Variants in EPN1 observed in about 807,000 individuals in gnomAD.
EPN1 encodes the protein epsin-1.
A neutral mutation model predicts 56.9 loss-of-function variants in EPN1; 25 were observed. That is an observed-to-expected ratio of 0.44 (90% CI 0.32 to 0.61). The LOEUF (loss-of-function observed/expected upper bound fraction) is 0.61, where lower values mean the gene tolerates loss of function less well. Ranked by LOEUF, EPN1 falls within the 20% of genes least tolerant of loss-of-function variation. The probability of loss-of-function intolerance (pLI) is 0.05; values close to 1 mark genes in which losing one functional copy is unlikely to be tolerated. For synonymous variants in EPN1, 411 were observed against 361.8 expected (o/e 1.14, Z -1.54); for missense variants, 785 against 823.7 (o/e 0.95, Z 0.58).
rs771574556 is a variant in EPN1 at position 55,692,065 on chromosome 19, C to G, written c.1066+8C>G. 3 of 1,429,122 alleles carry G rather than the reference C, an allele frequency of 2.1e-6. No homozygotes were observed. Among genetic ancestry groups the G allele is most frequent in the African/African-American group, 2.9e-5 (2 of 68,870 alleles). 88.5% of individuals were successfully genotyped at this position (1,429,122 alleles called of 1,614,324 possible). A position where few individuals can be genotyped will look rare whatever the true frequency, so the allele number is the denominator to read the frequency against. ...CATGGGGAAGTTCCGATGGTGAGTG[C>G]GTGGCCCACTTGCATGCAGCCCCTA... On this transcript the variant is annotated splice_region_variant and intron_variant, in intron 7 of 10. Transcript: ENST00000270460.
Position 55,706,689 on chromosome 19 carries a change from T to TA in EPN1, c.*11339dup, listed in dbSNP as rs1298189948. The TA allele has an allele frequency of 2.9e-5, 4 of 137,526 alleles. No individual in the cohort carries two copies. Among genetic ancestry groups the TA allele is most frequent in the African/African-American group, 1.1e-4 (4 of 34,824 alleles). The allele number at this position is 137,526 out of a possible 1,614,324, so 8.5% of individuals were successfully genotyped here. A position where few individuals can be genotyped will look rare whatever the true frequency, so the allele number is the denominator to read the frequency against. On this transcript the variant is annotated 3_prime_UTR_variant, in exon 11 of 11. Coordinates refer to ENST00000270460, the MANE Select transcript of EPN1 (RefSeq NM_001130072.2). ...AAGAGGGGAAGGGAAGGGAGAGATT[T>TA]AAAAAACAATAGTAAAGAGAGATTT...
Position 55,678,632 on chromosome 19 carries a change from C to A in EPN1, c.5C>A (p.Ser2Ter). 1 of 1,609,136 alleles carries A rather than the reference C, an allele frequency of 6.2e-7. No individual in the cohort carries two copies. M[S>*]TSSLRRQMKN... ...TTGCTGCTGCAGCCGGGCACCATGTCGACCTCGTCCTTGAGGCGCCAGATG... is the reference window on the plus strand; with the variant it reads ...TTGCTGCTGCAGCCGGGCACCATGTAGACCTCGTCCTTGAGGCGCCAGATG... The change falls in exon 2 of 11, where the codon TCG (serine) becomes TAG (stop). Residue 2 changes from serine to a stop codon, truncating the protein, a stop_gained. Coordinates refer to ENST00000270460, the MANE Select transcript of EPN1 (RefSeq NM_001130072.2). LOFTEE classifies it high-confidence loss of function.
chr19:55,706,685 GATTTAAAAAACAATA>G lies in EPN1; in HGVS notation c.*11330_*11344del, dbSNP rs1568588000. On this transcript the variant is annotated 3_prime_UTR_variant, in exon 11 of 11. Transcript: ENST00000270460. ...AGAAAAGAGGGGAAGGGAAGGGAGA[GATTTAAAAAACAATA>G]GTAAAGAGAGATTTAAAAAACAATA... is the stretch of plus-strand genomic sequence containing the variant. 4.0e-5 allele frequency: 6 copies of G among 149,884 alleles called. No homozygotes were observed. The highest frequency in any genetic ancestry group is 2.1e-4 in the South Asian group (1 of 4,736). The allele number at this position is 149,884 out of a possible 1,614,324, so 9.3% of individuals were successfully genotyped here.
At chr19:55,684,932 T>G (rs1057129269) in intron 2 of EPN1, among the ~76,000 whole-genome samples, 11 of 152,230 alleles carry the variant, frequency 7.2e-5, no homozygotes, top group African/African-American at 2.7e-4. Flanking sequence ...CCCCTTCATA[T>G]CGCACAGTTC....
chr19:55,692,880 C>A (rs939448594), intron 8 of EPN1, 71 bp from the exon 9 acceptor site: 5 of 1,593,724 alleles, frequency 3.1e-6, no homozygotes, highest in African/African-American at 1.3e-5. Context: ...GAGGGGTGGA[C>A]GCCTGGACTG....
chr19:55,690,363 T>C (rs1188026998), intron 6 of EPN1, among the ~76,000 whole-genome samples: 1 of 152,230 alleles, frequency 6.6e-6, no homozygotes, highest in Admixed American at 6.5e-5. Flanking sequence ...CAGGGCCTGT[T>C]GGTGAGCGAG....
rs1252411369 is a variant in EPN1, at chr19:55,708,728, CAA to C, written c.*13374_*13375del. 3 of 462,078 alleles carry C rather than the reference CAA, an allele frequency of 6.5e-6. No individual in the cohort carries two copies. The highest frequency in any genetic ancestry group is 3.2e-5 in the East Asian group (1 of 30,920). 28.6% of individuals were successfully genotyped at this position (462,078 alleles called of 1,614,324 possible). A position where few individuals can be genotyped will look rare whatever the true frequency, so the allele number is the denominator to read the frequency against. On this transcript the variant is annotated 3_prime_UTR_variant, in exon 11 of 11. Transcript: ENST00000270460. ...AAGACAAGGGGATATAGGACCGAGG[CAA>C]AGACAATCAGCATGTACACTGAATC...
chr19:55,686,435 A>G (rs1986173186), intron 3 of EPN1, among the ~76,000 whole-genome samples: 1 of 151,760 alleles, frequency 6.6e-6, no homozygotes, highest in Admixed American at 6.6e-5. Flanking sequence ...TGGGATGGGG[A>G]GGGGCTGCTA....
chr19:55,692,803 G>A lies in EPN1; in HGVS notation c.1177+7G>A. 2 of 1,594,986 alleles carry A rather than the reference G, an allele frequency of 1.3e-6. No individual in the cohort carries two copies. Among genetic ancestry groups the A allele is most frequent in the Non-Finnish European group, 1.7e-6 (2 of 1,169,018 alleles). ...AGCACCAATGGCACAACAGGTACTG[G>A]AATGGGGGTGGGAATGGAGCCCCGG... On this transcript the variant is annotated splice_region_variant and intron_variant, in intron 8 of 10. Transcript: ENST00000270460.
intron 2 of EPN1, among the ~76,000 whole-genome samples, chr19:55,682,962 G>A (rs1013684230): frequency 2.0e-5 from 3 of 151,824 alleles, no homozygotes; most frequent in South Asian, 2.1e-4. Context: ...TCACCATATT[G>A]GCCAGGCTGG....
rs955956688 is a variant in EPN1, at chr19:55,689,487, G to A, written c.678+116G>A. 16 of 774,560 alleles carry A rather than the reference G, an allele frequency of 2.1e-5. No individual in the cohort carries two copies. The highest frequency in any genetic ancestry group is 6.9e-5 in the African/African-American group (4 of 57,878). 48.0% of individuals were successfully genotyped at this position (774,560 alleles called of 1,614,324 possible). On this transcript the variant is annotated intron_variant, in intron 5 of 10. Coordinates refer to ENST00000270460, the MANE Select transcript of EPN1 (RefSeq NM_001130072.2). The surrounding 1 kb of genome is among the most constrained non-coding windows in gnomAD (Gnocchi z 5.7). ...CTGGGCCCGAAGCCCACAGGCTCAC[G>A]CGTGTTGAAACCTCAGTACCTTCAG...
rs764722825 is a variant in EPN1 at position 55,692,944 on chromosome 19, C to T, written c.1178-7C>T. On this transcript the variant is annotated splice_region_variant and splice_polypyrimidine_tract_variant and intron_variant, in intron 8 of 10. Transcript: ENST00000270460. Reference sequence around the variant, plus strand: ...GAGGGGCTGAGCAGAACATCCTGACCCCACAGCAGCCGGGGGATTCGACAC... The same window carrying T: ...GAGGGGCTGAGCAGAACATCCTGACTCCACAGCAGCCGGGGGATTCGACAC... 1 of 1,613,206 alleles carries T rather than the reference C, an allele frequency of 6.2e-7. No homozygotes were observed. Among genetic ancestry groups the T allele is most frequent in the Non-Finnish European group, 8.5e-7 (1 of 1,179,696 alleles).
In EPN1 at chr19:55,691,840, T is replaced by G. The variant is rs1306848444; in HGVS notation, c.849T>G (p.Ala283=). 2.5e-6 allele frequency: 4 copies of G among 1,607,236 alleles called. No homozygotes were observed. In the South Asian group the frequency reaches 4.4e-5, roughly 18 times the overall value. The change falls in exon 7 of 11, where the codon GCT becomes GCG. Residue 283 remains alanine, a synonymous_variant. Coordinates refer to ENST00000270460, the MANE Select transcript of EPN1 (RefSeq NM_001130072.2). The surrounding 1 kb of genome is among the most constrained non-coding windows in gnomAD (Gnocchi z 5.6). ...TDPWGGPAPM[A]AAVPTAAPTS... ...CCTGGGGGGGCCCAGCACCCATGGC[T>G]GCTGCCGTCCCCACGGCTGCCCCCA...
At chr19:55,685,186 G>A (rs994564075) in intron 2 of EPN1, among the ~76,000 whole-genome samples, 7 of 152,262 alleles carry the variant, frequency 4.6e-5, no homozygotes, top group African/African-American at 1.7e-4. Flanking sequence ...CAGTACCTCC[G>A]CGGCTGGTCC....
Position 55,700,779 on chromosome 19 carries a change from T to TA in EPN1, c.*5425dup, listed in dbSNP as rs1481632216. On this transcript the variant is annotated 3_prime_UTR_variant, in exon 11 of 11. Transcript: ENST00000270460. Reference sequence around the variant, plus strand: ...CGTTGTGTGTTACTGTCAAAAGGTATAACTCATGCATTGATGGGGGTAACC... The same window carrying TA: ...CGTTGTGTGTTACTGTCAAAAGGTATAAACTCATGCATTGATGGGGGTAACC... 3.3e-5 allele frequency: 5 copies of TA among 152,280 alleles called. No homozygotes were observed. Among genetic ancestry groups the TA allele is most frequent in the Admixed American group, 2.6e-4 (4 of 15,286 alleles). 9.4% of individuals were successfully genotyped at this position (152,280 alleles called of 1,614,324 possible).
In EPN1 at chr19:55,695,939, A is replaced by G. The variant is rs1393921003; in HGVS notation, c.*583A>G. ...CAAGGGATGGCTGGGTTGAGGGTGG[A>G]CTGTGCGAGGCCTGGCGGAGCTGTA... On this transcript the variant is annotated 3_prime_UTR_variant, in exon 11 of 11. Coordinates refer to ENST00000270460, the MANE Select transcript of EPN1 (RefSeq NM_001130072.2). This position sits in a 1 kb window ranked among gnomAD's most constrained non-coding sequence, Gnocchi z 4.4. 1 of 153,950 alleles carries G rather than the reference A, an allele frequency of 6.5e-6. No individual in the cohort carries two copies. Among genetic ancestry groups the G allele is most frequent in the Non-Finnish European group, 1.4e-5 (1 of 69,372 alleles). The allele number at this position is 153,950 out of a possible 1,614,324, so 9.5% of individuals were successfully genotyped here. A position where few individuals can be genotyped will look rare whatever the true frequency, so the allele number is the denominator to read the frequency against.
rs992302671 is a variant in EPN1 at position 55,705,670 on chromosome 19, G to A, written c.*10314G>A. On this transcript the variant is annotated 3_prime_UTR_variant, in exon 11 of 11. Coordinates refer to ENST00000270460, the MANE Select transcript of EPN1 (RefSeq NM_001130072.2). ...TCTTAGAAAAAAGAAAAGTATCCCCGAACATTATCAGAGTCAAGTTAATAA... is the reference window on the plus strand; with the variant it reads ...TCTTAGAAAAAAGAAAAGTATCCCCAAACATTATCAGAGTCAAGTTAATAA... The A allele has an allele frequency of 2.0e-5, 3 of 151,836 alleles. No homozygotes were observed. The highest frequency in any genetic ancestry group is 1.3e-4 in the Admixed American group (2 of 15,230). 9.4% of individuals were successfully genotyped at this position (151,836 alleles called of 1,614,324 possible). A position where few individuals can be genotyped will look rare whatever the true frequency, so the allele number is the denominator to read the frequency against.
chr19:55,692,242 G>T (rs868810135), intron 7 of EPN1, among the ~76,000 whole-genome samples, 185 bp downstream of exon 7: 48 of 152,144 alleles, frequency 3.2e-4, no homozygotes, highest in African/African-American at 1.0e-3. Context: ...GTGAGATTGT[G>T]CCTTGGAGGA....
intron 9 of EPN1, 197 bp downstream of exon 9, chr19:55,693,234 G>A: frequency 1.8e-6 from 1 of 566,366 alleles, no homozygotes; most frequent in Non-Finnish European, 3.1e-6. Flanking sequence ...TAGAGAAATT[G>A]CAGACTTAGA....
Sources: allele counts gnomAD v4.1 joint callset (sites outside exome capture counted in the v4.1 genomes callset), GRCh38; gene constraint gnomAD v4.1.1; non-coding constraint Gnocchi (gnomAD v3.1); transcripts MANE v1.5; gene names NCBI Gene and HGNC (gene_info 2026-07-23, HGNC 2026-07-21).